The following SRRM3 variants were observed in gnomAD, a reference collection of about 807,000 sequenced individuals.
SRRM3 encodes the protein serine/arginine repetitive matrix 3.
In SRRM3, 27 loss-of-function variants were observed where a neutral mutation model predicts 66.2. The ratio of observed to expected loss-of-function variants is 0.41; its 90% CI spans 0.30 to 0.56. SRRM3 has a LOEUF of 0.56. Among genes scored for constraint, SRRM3 ranks in the 20% least tolerant of loss-of-function variants. The pLI, the probability that SRRM3 is intolerant of heterozygous loss-of-function variation, is 0.32. For missense variants in SRRM3, 918 were observed against 991.9 expected (o/e 0.93, Z 1.00); for synonymous variants, 391 against 414.9 (o/e 0.94, Z 0.70).
chr7:76,266,257 A>AAATAT (rs1554609603), intron 10 of SRRM3, among the ~76,000 whole-genome samples: 3 of 120,830 alleles, frequency 2.5e-5, no homozygotes, highest in African/African-American at 1.0e-4. Flanking sequence ...TTATATATTT[A>AAATAT]ATATATTTAT....
At chr7:76,259,233 G>T (rs1429368968) in intron 3 of SRRM3, among the ~76,000 whole-genome samples, 1 of 151,896 alleles carries the variant, frequency 6.6e-6, no homozygotes, top group Non-Finnish European at 1.5e-5. Flanking sequence ...ATGGGGCTAG[G>T]ATATGGAGGG....
rs540165644 is a variant in SRRM3 at position 76,255,396 on chromosome 7, G to A, written c.336-4510G>A. Among the ~76,000 whole-genome samples the A allele has an allele frequency of 8.6e-5, 13 of 152,018 alleles. No individual in the cohort carries two copies. The South Asian group carries it at 1.2e-3, about 15-fold the overall frequency. ...ACTCCCGACCTCAGGTGATCCGCCCGCCTTCGCCTCCCAAAGTGCTGGGAT... is the reference window on the plus strand; with the variant it reads ...ACTCCCGACCTCAGGTGATCCGCCCACCTTCGCCTCCCAAAGTGCTGGGAT... On this transcript the variant is annotated intron_variant, in intron 3 of 14. Transcript: ENST00000611745.
chr7:76,230,643 AGGAAGGGAAG>A (rs781858594), intron 1 of SRRM3, among the ~76,000 whole-genome samples: 1 of 151,550 alleles, frequency 6.6e-6, no homozygotes, highest in Non-Finnish European at 1.5e-5. Flanking sequence ...ATTGAGAGTC[AGGAAGGGAAG>A]GGAAGGGAAG....
At chr7:76,206,808 C>T (rs1800312016) in intron 1 of SRRM3, among the ~76,000 whole-genome samples, 2 of 152,234 alleles carry the variant, frequency 1.3e-5, no homozygotes, top group Non-Finnish European at 2.9e-5. Flanking sequence ...AGCCTGGCCT[C>T]AGCCTCCTGC....
Position 76,264,817 on chromosome 7 carries a change from T to C in SRRM3, c.725+2T>C. ...AGAGAAGAACAAAGAGAAGAAGAGG[T>C]AAGCGCCCTCCCTACTCTCCAGCCC... On this transcript the variant is annotated splice_donor_variant, in intron 9 of 14. Coordinates refer to ENST00000611745, the MANE Select transcript of SRRM3 (RefSeq NM_001110199.3). LOFTEE classifies it high-confidence loss of function. 6.2e-7 allele frequency: 1 copy of C among 1,613,336 alleles called. No individual in the cohort carries two copies. The highest frequency in any genetic ancestry group is 8.5e-7 in the Non-Finnish European group (1 of 1,179,774).
rs975180490 is a variant in SRRM3, at chr7:76,235,049, G to T, written c.-18G>T. The T allele has an allele frequency of 1.9e-5, 30 of 1,548,304 alleles. No homozygotes were observed. The highest frequency in any genetic ancestry group is 2.5e-5 in the Non-Finnish European group (29 of 1,151,542). On this transcript the variant is annotated 5_prime_UTR_variant, in exon 2 of 15. Transcript: ENST00000611745. ...TCAGGGCCAGCGGCCCAGGCCAGCG[G>T]CTCCAGGGCCAGCCACGATGTCCTC...
At position 76,222,409 on chromosome 7, in the gene SRRM3, T is replaced by G. The variant is rs558579646; in HGVS notation, c.-39-12619T>G. On this transcript the variant is annotated intron_variant, in intron 1 of 14. Coordinates refer to ENST00000611745, the MANE Select transcript of SRRM3 (RefSeq NM_001110199.3). ...AGCCTGGGTGATAGGAGACCCCGTC[T>G]CAAAAAAAAAAAAAAAAAAAAGTTG... Among the ~76,000 whole-genome samples the G allele has an allele frequency of 2.0e-3, 181 of 89,326 alleles. 9 individuals carry two copies. The South Asian group carries it at 0.057, about 28-fold the overall frequency. The allele number at this position is 89,326 out of a possible 152,430, so 58.6% of individuals were successfully genotyped here. A position where few individuals can be genotyped will look rare whatever the true frequency, so the allele number is the denominator to read the frequency against.
chr7:76,254,885 G>A (rs568727642), intron 3 of SRRM3, among the ~76,000 whole-genome samples: 3 of 152,052 alleles, frequency 2.0e-5, no homozygotes, highest in Admixed American at 2.0e-4. Flanking sequence ...TCAGGAAGAG[G>A]AGCATGGAAA....
Position 76,248,361 on chromosome 7 carries a change from C to G in SRRM3, c.335+72C>G, listed in dbSNP as rs1455632563. 4.2e-6 allele frequency: 5 copies of G among 1,184,898 alleles called. No individual in the cohort carries two copies. In the East Asian group the frequency reaches 9.7e-5, roughly 23 times the overall value. The allele number at this position is 1,184,898 out of a possible 1,614,324, so 73.4% of individuals were successfully genotyped here. A position where few individuals can be genotyped will look rare whatever the true frequency, so the allele number is the denominator to read the frequency against. Reference sequence around the variant, plus strand: ...AGGCAGCAGCTGGGTACTAAAGGGGCCTGTCCAGGTGGCTTGGTCTGGTTG... The same window carrying G: ...AGGCAGCAGCTGGGTACTAAAGGGGGCTGTCCAGGTGGCTTGGTCTGGTTG... On this transcript the variant is annotated intron_variant, in intron 3 of 14. Coordinates refer to ENST00000611745, the MANE Select transcript of SRRM3 (RefSeq NM_001110199.3).
chr7:76,221,059 T>TC, intron 1 of SRRM3, among the ~76,000 whole-genome samples: 1 of 150,270 alleles, frequency 6.7e-6, no homozygotes, highest in East Asian at 1.9e-4. Flanking sequence ...TACCCGTCTT[T>TC]TTTTTTTTTT....
At chr7:76,270,142 C>G (rs1802175258) in intron 11 of SRRM3, 2 of 152,190 alleles carry the variant, frequency 1.3e-5, no homozygotes, top group Admixed American at 1.3e-4. Flanking sequence ...TGGAGAGAAG[C>G]GGGAGACCCA....
intron 9 of SRRM3, 28 bp from the exon 10 acceptor site, chr7:76,265,336 A>G: frequency 6.4e-7 from 1 of 1,559,354 alleles, no homozygotes; most frequent in Non-Finnish European, 8.7e-7. Context: ...GAATTGAGGT[A>G]CAGGCTGATT....
chr7:76,266,232 A>AATATATATAAATATTTATATATTTAAT (rs1554609583), intron 10 of SRRM3, among the ~76,000 whole-genome samples: 43,196 of 73,774 alleles, frequency 0.59, 14,428 homozygotes, highest in Non-Finnish European at 0.62. Flanking sequence ...TTATATATTT[A>AATATATATAAATATTTATATATTTAAT]ATATATATAA....
At chr7:76,273,846 C>T (rs1256581555) in intron 11 of SRRM3, among the ~76,000 whole-genome samples, 1 of 152,174 alleles carries the variant, frequency 6.6e-6, no homozygotes, top group Non-Finnish European at 1.5e-5. Flanking sequence ...CTTTTCTAGC[C>T]CATCTCCCCT....
Position 76,285,170 on chromosome 7 carries a change from C to T in SRRM3, c.1734-445C>T. 1 of 163,450 alleles carries T rather than the reference C, an allele frequency of 6.1e-6. No homozygotes were observed. Among genetic ancestry groups the T allele is most frequent in the South Asian group, 1.6e-4 (1 of 6,402 alleles). The allele number at this position is 163,450 out of a possible 1,614,324, so 10.1% of individuals were successfully genotyped here. A position where few individuals can be genotyped will look rare whatever the true frequency, so the allele number is the denominator to read the frequency against. ...CCTCCGCCTCTGGGGTTCAAGCGAT[C>T]CTCCCACCTCAGCCTCCCAAGTAGC... is the stretch of plus-strand genomic sequence containing the variant. On this transcript the variant is annotated intron_variant, in intron 14 of 14. Transcript: ENST00000611745. This position sits in a 1 kb window ranked among gnomAD's most constrained non-coding sequence, Gnocchi z 4.1.
intron 14 of SRRM3, chr7:76,283,689 C>A: frequency 3.7e-6 from 3 of 814,828 alleles, no homozygotes; most frequent in Non-Finnish European, 5.3e-6. Context: ...GGGGGCACAG[C>A]AGTCTGGTCT....
At chr7:76,242,722 G>C (rs782250214) in intron 2 of SRRM3, among the ~76,000 whole-genome samples, 12 of 152,096 alleles carry the variant, frequency 7.9e-5, no homozygotes, top group Admixed American at 4.6e-4. Context: ...CAGATCATCA[G>C]GCATTAGATT....
At chr7:76,209,184 A>G (rs910809695) in intron 1 of SRRM3, among the ~76,000 whole-genome samples, 15 of 152,174 alleles carry the variant, frequency 9.9e-5, no homozygotes, top group African/African-American at 3.1e-4. Flanking sequence ...TATACAATCG[A>G]CATTTAATGA....
chr7:76,214,444 T>C (rs782400621), intron 1 of SRRM3, among the ~76,000 whole-genome samples: 3 of 152,224 alleles, frequency 2.0e-5, no homozygotes, highest in Non-Finnish European at 4.4e-5. Flanking sequence ...ATCAGATTAA[T>C]TGACATTAAT....
Sources: allele counts gnomAD v4.1 joint callset (sites outside exome capture counted in the v4.1 genomes callset), GRCh38; gene constraint gnomAD v4.1.1; non-coding constraint Gnocchi (gnomAD v3.1); transcripts MANE v1.5; gene names NCBI Gene and HGNC (gene_info 2026-07-23, HGNC 2026-07-21).